Variants in CACNA1C observed in about 807,000 individuals in gnomAD.
CACNA1C encodes the protein calcium voltage-gated channel subunit alpha1 C.
Under a neutral mutation model 229.0 loss-of-function variants are expected in CACNA1C, and 30 were observed. The observed-to-expected ratio is 0.13, with a 90% CI of 0.10 to 0.18. The LOEUF is 0.18. Among genes scored for constraint, CACNA1C ranks in the 10% least tolerant of loss-of-function variants. The pLI is 1.00. For synonymous variants in CACNA1C, 1,114 were observed against 1,132.5 expected, an observed-to-expected ratio of 0.98 and a Z score of 0.33; for missense variants, 1,658 against 2,845.0, an observed-to-expected ratio of 0.58 and a Z score of 9.49.
chr12:2,466,924 C>G (rs1317342727), intron 5 of CACNA1C, among the ~76,000 whole-genome samples: 6 of 152,162 alleles, frequency 3.9e-5, no homozygotes, highest in Non-Finnish European at 8.8e-5. Flanking sequence ...GGACTTGGCC[C>G]TCATTCTCCC....
At chr12:2,415,282 A>G (rs1007079572) in intron 3 of CACNA1C, among the ~76,000 whole-genome samples, 1 of 152,034 alleles carries the variant, frequency 6.6e-6, no homozygotes, top group African/African-American at 2.4e-5. Flanking sequence ...CACTGTGAGT[A>G]GGCTCAACCA....
At chr12:2,405,852 T>C (rs1030258867) in intron 3 of CACNA1C, among the ~76,000 whole-genome samples, 1 of 152,230 alleles carries the variant, frequency 6.6e-6, no homozygotes, top group African/African-American at 2.4e-5. Context: ...CTCTTTCTGT[T>C]CTTCCTTACT....
chr12:2,502,823 C>G (rs1398652565), intron 7 of CACNA1C, among the ~76,000 whole-genome samples: 1 of 152,186 alleles, frequency 6.6e-6, no homozygotes, highest in Non-Finnish European at 1.5e-5. Flanking sequence ...TATTACTATC[C>G]CACCTGCCTG....
intron 1 of CACNA1C, among the ~76,000 whole-genome samples, chr12:2,047,961 C>T (rs545687080): frequency 6.8e-4 from 104 of 152,324 alleles, no homozygotes; most frequent in Admixed American, 1.0e-3. Flanking sequence ...CTTCCGATCT[C>T]GACCATGAAA....
chr12:2,081,246 AG>A (rs1318549179), intron 1 of CACNA1C, among the ~76,000 whole-genome samples: 5 of 152,234 alleles, frequency 3.3e-5, no homozygotes, highest in Non-Finnish European at 5.9e-5. Context: ...TTCTATACAA[AG>A]CTAAATTATC....
At position 2,479,700 on chromosome 12, in the gene CACNA1C, G is replaced by A. The variant is rs1214427929; in HGVS notation, c.758-6404G>A. Among the ~76,000 whole-genome samples, 2 of 152,198 alleles carry A rather than the reference G, an allele frequency of 1.3e-5. No individual in the cohort carries two copies. Among genetic ancestry groups the A allele is most frequent in the Non-Finnish European group, 2.9e-5 (2 of 68,048 alleles). ...ACTCCTGCCCCAGTCTTGAAAGTGG[G>A]CTGTCGCCTTAATGCTGGCTTGAAG... On this transcript the variant is annotated intron_variant, in intron 5 of 46. Transcript: ENST00000399655. The surrounding 1 kb of genome is among the most constrained non-coding windows in gnomAD (Gnocchi z 4.3).
At chr12:2,548,105 T>C (rs754159342) in intron 9 of CACNA1C, among the ~76,000 whole-genome samples, 147 of 86,528 alleles carry the variant, frequency 1.7e-3, no homozygotes, top group Non-Finnish European at 3.5e-3. Flanking sequence ...TGGCTGGAGA[T>C]AGATGGGTTG....
chr12:2,673,168 T>C (rs1197558022), intron 38 of CACNA1C, among the ~76,000 whole-genome samples: 1 of 152,168 alleles, frequency 6.6e-6, no homozygotes, highest in Non-Finnish European at 1.5e-5. Flanking sequence ...TACTACAAGC[T>C]TTTCAGCTTA....
At chr12:2,072,685 C>T (rs182702158) in intron 1 of CACNA1C, among the ~76,000 whole-genome samples, 1 of 152,084 alleles carries the variant, frequency 6.6e-6, no homozygotes, top group South Asian at 2.1e-4. Flanking sequence ...TATATCAGAT[C>T]TACATTAAAA....
At chr12:2,010,354 T>C (rs2044189428) in intron 1 of CACNA1C, among the ~76,000 whole-genome samples, 2 of 152,002 alleles carry the variant, frequency 1.3e-5, no homozygotes, top group Non-Finnish European at 2.9e-5. Flanking sequence ...AAGGGGCAGA[T>C]AATGGGGTGA....
chr12:2,439,709 G>T (rs895797902), intron 3 of CACNA1C, among the ~76,000 whole-genome samples: 1 of 151,684 alleles, frequency 6.6e-6, no homozygotes, highest in African/African-American at 2.4e-5. Flanking sequence ...ATAAGTTTGA[G>T]AAGGGTTTTT....
chr12:2,395,574 G>A (rs2098554574), intron 3 of CACNA1C, among the ~76,000 whole-genome samples: 1 of 152,244 alleles, frequency 6.6e-6, no homozygotes, highest in South Asian at 2.1e-4. Context: ...CCAGTGGCCA[G>A]AGGCTGTAGT....
intron 3 of CACNA1C, among the ~76,000 whole-genome samples, chr12:2,192,159 T>G (rs2097258896): frequency 6.6e-6 from 1 of 152,154 alleles, no homozygotes; most frequent in Non-Finnish European, 1.5e-5. Context: ...GCACTCAAGT[T>G]TTTGGGAAGA....
chr12:2,409,994 C>T (rs556198251), intron 3 of CACNA1C, among the ~76,000 whole-genome samples: 4 of 152,274 alleles, frequency 2.6e-5, no homozygotes, highest in East Asian at 3.9e-4. Flanking sequence ...CAGGACAGCT[C>T]GGAGAGACAG....
chr12:2,597,235 G>A lies in CACNA1C; in HGVS notation c.2799G>A (p.Leu933=), dbSNP rs551710366. 5.6e-6 allele frequency: 9 copies of A among 1,607,418 alleles called. No individual in the cohort carries two copies. The East Asian group carries it at 1.8e-4, about 32-fold the overall frequency. ...VQHTSFRNHI[L]FYFDIVFTTI... ...TGTTCCTTTTTGTTTTGCAGATTCT[G>A]TTTTATTTTGATATTGTTTTTACCA... Residue 933 remains leucine (L), a synonymous_variant, in exon 21 of 47, where the codon CTG becomes CTA. Coordinates refer to ENST00000399655, the MANE Select transcript of CACNA1C (RefSeq NM_000719.7). The surrounding 1 kb of genome is among the most constrained non-coding windows in gnomAD (Gnocchi z 4.3).
intron 1 of CACNA1C, among the ~76,000 whole-genome samples, chr12:2,002,080 T>C (rs886421270): frequency 6.6e-6 from 1 of 152,228 alleles, no homozygotes; most frequent in Non-Finnish European, 1.5e-5. Flanking sequence ...TCACATAATC[T>C]TTCTTAATCC....
chr12:2,310,342 T>TAAAAAAA (rs1262171750), intron 3 of CACNA1C, among the ~76,000 whole-genome samples: 3 of 144,244 alleles, frequency 2.1e-5, no homozygotes, highest in African/African-American at 7.9e-5. Flanking sequence ...GCCTCCCAGT[T>TAAAAAAA]AAAAAAAAAA....
At chr12:2,342,146 T>C (rs2096883437) in intron 3 of CACNA1C, among the ~76,000 whole-genome samples, 1 of 152,212 alleles carries the variant, frequency 6.6e-6, no homozygotes, top group Non-Finnish European at 1.5e-5. Context: ...TGTCTTCCCT[T>C]GGCTCCCTTG....
intron 5 of CACNA1C, among the ~76,000 whole-genome samples, chr12:2,475,276 GCAA>G (rs1033356448): frequency 2.6e-5 from 4 of 151,860 alleles, no homozygotes; most frequent in African/African-American, 9.7e-5. Flanking sequence ...TCCAGCCTGG[GCAA>G]CAGAGTGAGA....
Sources: gnomAD v4.1 joint callset for allele counts (sites outside exome capture counted in the v4.1 genomes callset) on GRCh38, gnomAD v4.1.1 for gene constraint, Gnocchi (gnomAD v3.1) non-coding constraint, MANE v1.5 for transcripts, NCBI Gene and HGNC (gene_info 2026-07-23, HGNC 2026-07-21) for gene names.